MAML3: variants seen among roughly 807,000 people sequenced by gnomAD.
MAML3 encodes mastermind-like protein 3.
Under a neutral mutation model 101.9 loss-of-function variants are expected in MAML3, and 27 were observed. That is an observed-to-expected ratio of 0.27 (90% CI 0.20 to 0.37). The LOEUF (loss-of-function observed/expected upper bound fraction) is 0.37. MAML3 is among the 10% of genes least tolerant of loss of function. The probability of loss-of-function intolerance (pLI) is 1.00; values close to 1 mark genes in which losing one functional copy is unlikely to be tolerated. For missense variants in MAML3, 1,316 were observed against 1,444.9 expected (o/e 0.91, Z 1.45); for synonymous variants, 501 against 555.9 (o/e 0.90, Z 1.39).
chr4:139,914,847 G>C (rs1293898019), intron 1 of MAML3, among the ~76,000 whole-genome samples: 1 of 152,160 alleles, frequency 6.6e-6, no homozygotes, highest in Non-Finnish European at 1.5e-5. Flanking sequence ...AGCTCCACTG[G>C]AGACTTTGAG....
At chr4:140,132,623 G>A (rs909678362) in intron 1 of MAML3, among the ~76,000 whole-genome samples, 1 of 152,222 alleles carries the variant, frequency 6.6e-6, no homozygotes, top group African/African-American at 2.4e-5. Context: ...CTTTAAAAGA[G>A]CTCCGAAGAA....
intron 1 of MAML3, among the ~76,000 whole-genome samples, chr4:139,960,810 A>T (rs769674): frequency 0.37 from 55,751 of 151,926 alleles, 11,179 homozygotes; most frequent in African/African-American, 0.53. Context: ...TGTGAGGAAA[A>T]CCTGGTGGCA....
chr4:139,868,573 G>A (rs1278186950), intron 2 of MAML3, among the ~76,000 whole-genome samples: 4 of 152,086 alleles, frequency 2.6e-5, no homozygotes, highest in Admixed American at 6.5e-5. Context: ...TACTAGATAC[G>A]TGCTCTTAGA....
At chr4:139,999,099 A>G (rs543409493) in intron 1 of MAML3, among the ~76,000 whole-genome samples, 1 of 152,296 alleles carries the variant, frequency 6.6e-6, no homozygotes, top group Non-Finnish European at 1.5e-5. Flanking sequence ...TCAAGACTAG[A>G]TAGGAGTGTG....
At chr4:140,137,787 A>G (rs1728919530) in intron 1 of MAML3, among the ~76,000 whole-genome samples, 1 of 152,236 alleles carries the variant, frequency 6.6e-6, no homozygotes, top group Admixed American at 6.5e-5. Flanking sequence ...ACTTCAGAAT[A>G]AAGAGGAAAG....
intron 1 of MAML3, among the ~76,000 whole-genome samples, chr4:140,091,119 T>G (rs1260601442): frequency 6.6e-6 from 1 of 152,100 alleles, no homozygotes; most frequent in Non-Finnish European, 1.5e-5. Context: ...GAGGGCTTTT[T>G]CTAATTAGGA....
At chr4:139,876,592 G>A (rs1256401501) in intron 2 of MAML3, among the ~76,000 whole-genome samples, 1 of 152,236 alleles carries the variant, frequency 6.6e-6, no homozygotes, top group Non-Finnish European at 1.5e-5. Flanking sequence ...GCCCCAGCAA[G>A]AGCACACTTT....
intron 2 of MAML3, among the ~76,000 whole-genome samples, chr4:139,877,925 C>T (rs540761685): frequency 7.2e-5 from 11 of 152,156 alleles, no homozygotes; most frequent in Middle Eastern, 6.8e-3. Flanking sequence ...ATATTTGATT[C>T]ATTTCCTTTT....
At chr4:139,731,192 G>A (rs555651493) in intron 2 of MAML3, 1 of 161,588 alleles carries the variant, frequency 6.2e-6, no homozygotes, top group African/African-American at 2.4e-5. Flanking sequence ...CAACATTTGA[G>A]AGCTTAGATA....
At chr4:139,844,028 C>T (rs907150034) in intron 2 of MAML3, among the ~76,000 whole-genome samples, 2 of 152,226 alleles carry the variant, frequency 1.3e-5, no homozygotes, top group African/African-American at 4.8e-5. Flanking sequence ...TCTGAATCAG[C>T]TAATTAATAA....
At chr4:140,060,633 T>C (rs1050982417) in intron 1 of MAML3, among the ~76,000 whole-genome samples, 5 of 152,094 alleles carry the variant, frequency 3.3e-5, no homozygotes, top group Non-Finnish European at 5.9e-5. Flanking sequence ...ATTTTACGGA[T>C]TTCTCCTACA....
chr4:139,942,992 GT>G (rs1356853953), intron 1 of MAML3, among the ~76,000 whole-genome samples: 1 of 152,216 alleles, frequency 6.6e-6, no homozygotes, highest in East Asian at 1.9e-4. Context: ...TATTTTGAAT[GT>G]TTTTGTTCAA....
intron 1 of MAML3, among the ~76,000 whole-genome samples, chr4:140,113,878 G>C (rs1175966904): frequency 6.6e-6 from 1 of 152,164 alleles, no homozygotes; most frequent in East Asian, 1.9e-4. Context: ...CTGCTCTCCA[G>C]GCAGGGAGAA....
chr4:139,852,403 G>GTTGT (rs1731572482), intron 2 of MAML3, among the ~76,000 whole-genome samples: 1 of 68,326 alleles, frequency 1.5e-5, no homozygotes, highest in African/African-American at 6.7e-5. Context: ...TCAGAAGACT[G>GTTGT]TTTTTTTTTT....
chr4:139,774,990 C>T (rs896003245), intron 2 of MAML3, among the ~76,000 whole-genome samples: 9 of 152,110 alleles, frequency 5.9e-5, no homozygotes, highest in Non-Finnish European at 1.2e-4. Flanking sequence ...GAAAGACTTC[C>T]TTTTAGAACA....
At chr4:139,978,234 G>A (rs1198135875) in intron 1 of MAML3, among the ~76,000 whole-genome samples, 3 of 152,164 alleles carry the variant, frequency 2.0e-5, no homozygotes, top group Non-Finnish European at 4.4e-5. Flanking sequence ...CTTGATTTCA[G>A]CCTCAAAGGA....
At chr4:139,975,446 C>T (rs1440469194) in intron 1 of MAML3, among the ~76,000 whole-genome samples, 1 of 152,182 alleles carries the variant, frequency 6.6e-6, no homozygotes, top group African/African-American at 2.4e-5. Context: ...CGCGTGCAGG[C>T]ATGCACACAC....
intron 1 of MAML3, among the ~76,000 whole-genome samples, chr4:139,971,663 T>C (rs983744665): frequency 2.0e-5 from 3 of 152,226 alleles, no homozygotes; most frequent in African/African-American, 7.2e-5. Flanking sequence ...ATATGGTAAA[T>C]TCATTCATGG....
chr4:139,941,507 A>G (rs968714222), intron 1 of MAML3, among the ~76,000 whole-genome samples: 2 of 151,310 alleles, frequency 1.3e-5, no homozygotes, highest in African/African-American at 4.9e-5. Context: ...CTAGGATACC[A>G]AGTTAATAAC....
Sources: gnomAD v4.1 joint callset for allele counts (sites outside exome capture counted in the v4.1 genomes callset) on GRCh38, gnomAD v4.1.1 for gene constraint, MANE v1.5 for transcripts, NCBI Gene and HGNC (gene_info 2026-07-23, HGNC 2026-07-21) for gene names.